The following VSIG1 variants were observed in gnomAD, a reference collection of about 807,000 sequenced individuals.
The protein encoded by VSIG1 is V-set and immunoglobulin domain-containing protein 1.
Under a neutral mutation model 20.1 loss-of-function variants are expected in VSIG1, and 11 were observed. The observed-to-expected ratio is 0.55, with a 90% CI of 0.34 to 0.91. VSIG1 has a LOEUF of 0.91. Ranked by LOEUF, VSIG1 falls within the 40% of genes least tolerant of loss-of-function variation. The probability of loss-of-function intolerance (pLI) is 0.02; values close to 1 mark genes in which losing one functional copy is unlikely to be tolerated. For synonymous variants in VSIG1, 126 were observed against 116.7 expected (o/e 1.08, Z -0.52); for missense variants, 283 against 298.8 (o/e 0.95, Z 0.39).
intron 5 of VSIG1, among the ~76,000 whole-genome samples, chrX:108,074,070 G>A (rs1004944226): frequency 1.8e-5 from 2 of 111,433 alleles, no homozygotes; most frequent in African/African-American, 6.5e-5. Flanking sequence ...GCTGACCCAG[G>A]GGCAACTCCT....
chrX:108,022,206 G>C, the VSIG1 span, among the ~76,000 whole-genome samples: 1 of 111,383 alleles, frequency 9.0e-6, no homozygotes, highest in African/African-American at 3.3e-5. Context: ...CATTTATTTA[G>C]GTTTTAAAAA....
the VSIG1 span, among the ~76,000 whole-genome samples, chrX:108,033,949 G>C: frequency 9.1e-6 from 1 of 110,482 alleles, no homozygotes; most frequent in African/African-American, 3.3e-5. Context: ...TCGTGAGGCA[G>C]AGTTGAATCC....
the VSIG1 span, among the ~76,000 whole-genome samples, chrX:108,025,980 A>G: frequency 8.9e-6 from 1 of 112,795 alleles, no homozygotes; most frequent in Non-Finnish European, 1.9e-5. Flanking sequence ...GTCTTACCTT[A>G]ATGGTTTTTC....
the VSIG1 span, among the ~76,000 whole-genome samples, chrX:108,019,796 T>A: frequency 8.9e-6 from 1 of 111,989 alleles, no homozygotes; most frequent in African/African-American, 3.2e-5. Context: ...GTTTTCCCTC[T>A]GAAACAATGC....
chrX:108,056,125 C>G (rs913642902), intron 1 of VSIG1, among the ~76,000 whole-genome samples: 2 of 111,715 alleles, frequency 1.8e-5, no homozygotes, highest in Non-Finnish European at 3.8e-5. Flanking sequence ...TGCTCTAAAT[C>G]AGTGATTATC....
At chrX:108,071,448 A>G (rs1190132458) in intron 3 of VSIG1, among the ~76,000 whole-genome samples, 1 of 111,964 alleles carries the variant, frequency 8.9e-6, no homozygotes, top group African/African-American at 3.2e-5. Flanking sequence ...GATATGTAAG[A>G]TAGAATAAAC....
the VSIG1 span, among the ~76,000 whole-genome samples, chrX:108,033,658 G>A: frequency 9.0e-6 from 1 of 111,140 alleles, no homozygotes; most frequent in African/African-American, 3.3e-5. Flanking sequence ...GCCCAGACGG[G>A]GCTCAGTCAT....
At chrX:108,064,351 A>T (rs1403977454) in intron 2 of VSIG1, among the ~76,000 whole-genome samples, 1 of 111,550 alleles carries the variant, frequency 9.0e-6, no homozygotes, top group Non-Finnish European at 1.9e-5. Context: ...AGAGGGCAAA[A>T]TGTATTAGAC....
the VSIG1 span, among the ~76,000 whole-genome samples, chrX:108,027,523 A>G: frequency 2.7e-5 from 3 of 112,064 alleles, no homozygotes; most frequent in South Asian, 3.7e-4. Context: ...GTGATTGCTT[A>G]TGATTTTTCT....
At chrX:108,060,840 G>A (rs2031004713) in intron 2 of VSIG1, among the ~76,000 whole-genome samples, 1 of 112,362 alleles carries the variant, frequency 8.9e-6, no homozygotes, top group African/African-American at 3.2e-5. Context: ...GTGAATGCGA[G>A]CTTTTATTAT....
chrX:108,036,861 T>C, the VSIG1 span, among the ~76,000 whole-genome samples: 1 of 111,748 alleles, frequency 8.9e-6, no homozygotes, highest in African/African-American at 3.2e-5. Context: ...AAAATTACTG[T>C]CCTTATGCGT....
At chrX:108,062,520 ACTAGCGAAAG>A (rs747120106) in intron 2 of VSIG1, among the ~76,000 whole-genome samples, 9 of 112,170 alleles carry the variant, frequency 8.0e-5, no homozygotes, top group African/African-American at 2.6e-4. Context: ...GGTGTTAGGG[ACTAGCGAAAG>A]CTTATTTTAT....
At position 108,047,847 on chromosome X, in the gene VSIG1, T is replaced by TATATATATAC. The variant is rs1569287104; in HGVS notation, c.49+2670_49+2679dup. ...ATATATATACACATATATATATACA[T>TATATATATAC]ATATATATACACATATATATATACA... On this transcript the variant is annotated intron_variant, in intron 1 of 6. Transcript: ENST00000217957. Among the ~76,000 whole-genome samples the TATATATATAC allele has an allele frequency of 3.7e-3, 133 of 35,970 alleles. 5 individuals are homozygous for TATATATATAC. Among genetic ancestry groups the TATATATATAC allele is most frequent in the Non-Finnish European group, 4.5e-3 (86 of 19,250 alleles). The allele number at this position is 35,970 out of a possible 115,157, so 31.2% of individuals were successfully genotyped here.
At chrX:108,019,370 C>T in the VSIG1 span, among the ~76,000 whole-genome samples, 1 of 112,348 alleles carries the variant, frequency 8.9e-6, no homozygotes, top group African/African-American at 3.2e-5. Flanking sequence ...GTGCTTCAAC[C>T]CTGCCCCCCC....
chrX:108,020,149 C>A, the VSIG1 span, among the ~76,000 whole-genome samples: 2 of 112,073 alleles, frequency 1.8e-5, no homozygotes, highest in Non-Finnish European at 3.8e-5. Context: ...ACCATTTGAA[C>A]GCCTCACCAG....
At chrX:108,036,033 G>A in the VSIG1 span, among the ~76,000 whole-genome samples, 107 of 99,576 alleles carry the variant, frequency 1.1e-3, no homozygotes, top group African/African-American at 3.8e-3. Context: ...CAATGCATAA[G>A]AAATGCTTCA....
At position 108,045,159 on chromosome X, in the gene VSIG1, T is replaced by G; in HGVS notation, c.29T>G (p.Leu10Arg). The change falls in exon 1 of 7, where the codon CTG (leucine) becomes CGG (arginine). Residue 10 changes from leucine to arginine, a missense_variant. By Grantham distance (102) the Leu-to-Arg change is moderately radical. Coordinates refer to ENST00000217957, the MANE Select transcript of VSIG1 (RefSeq NM_182607.5). ...GTGTTCGCATTTTGGAAGGTCTTTCTGATCCTAAGCTGCCTTGCAGGTAAG... is the reference window on the plus strand; with the variant it reads ...GTGTTCGCATTTTGGAAGGTCTTTCGGATCCTAAGCTGCCTTGCAGGTAAG... MVFAFWKVF[L>R]ILSCLAGQVS... 1 of 1,195,788 alleles carries G rather than the reference T, an allele frequency of 8.4e-7. No homozygotes were observed. The highest frequency in any genetic ancestry group is 1.1e-6 in the Non-Finnish European group (1 of 886,293).
chrX:108,053,159 C>A (rs1311339243), intron 1 of VSIG1, among the ~76,000 whole-genome samples: 1 of 111,875 alleles, frequency 8.9e-6, no homozygotes, highest in Non-Finnish European at 1.9e-5. Flanking sequence ...AAAGGGATTT[C>A]TTCAAACAGA....
intron 1 of VSIG1, among the ~76,000 whole-genome samples, chrX:108,051,688 T>C (rs2030787624): frequency 9.0e-6 from 1 of 111,555 alleles, no homozygotes; most frequent in Non-Finnish European, 1.9e-5. Context: ...TGGAATTATC[T>C]GACAAGGATT....
Sources: allele counts gnomAD v4.1 joint callset (sites outside exome capture counted in the v4.1 genomes callset), GRCh38; gene constraint gnomAD v4.1.1; transcripts MANE v1.5; gene names NCBI Gene and HGNC (gene_info 2026-07-23, HGNC 2026-07-21).